PLD5: variants seen among roughly 807,000 people sequenced by gnomAD.
PLD5 encodes phospholipase D family member 5.
In PLD5, 36 loss-of-function variants were observed where a neutral mutation model predicts 61.1. That is an observed-to-expected ratio of 0.59 (90% CI 0.45 to 0.78). The LOEUF is 0.78. Among genes scored for constraint, PLD5 ranks in the 30% least tolerant of loss-of-function variants. The pLI, the probability that PLD5 is intolerant of heterozygous loss-of-function variation, is 0.00. For synonymous variants in PLD5, 243 were observed against 242.8 expected (o/e 1.00, Z -0.01); for missense variants, 515 against 644.4 (o/e 0.80, Z 2.17).
At chr1:242,235,408 G>C (rs960034332) in intron 4 of PLD5, 1 of 152,056 alleles carries the variant, frequency 6.6e-6, no homozygotes, top group Non-Finnish European at 1.5e-5. Context: ...CCTGATTAAC[G>C]TCGGTTCACT....
chr1:242,287,469 C>T (rs1419332315), intron 3 of PLD5, among the ~76,000 whole-genome samples: 1 of 152,056 alleles, frequency 6.6e-6, no homozygotes, highest in Non-Finnish European at 1.5e-5. Flanking sequence ...TTACGGCCTT[C>T]GTGTTTTTTG....
chr1:242,134,743 T>G (rs1663571328), intron 5 of PLD5, among the ~76,000 whole-genome samples: 1 of 152,198 alleles, frequency 6.6e-6, no homozygotes, highest in Non-Finnish European at 1.5e-5. Context: ...GCACTGCTTT[T>G]CCCACACATA....
chr1:242,491,843 C>T (rs2102977414), intron 1 of PLD5, among the ~76,000 whole-genome samples: 1 of 152,304 alleles, frequency 6.6e-6, no homozygotes, highest in Middle Eastern at 3.4e-3. Flanking sequence ...GTTGGAGTAA[C>T]TTTCCACACA....
At chr1:242,275,126 A>C (rs957072277) in intron 3 of PLD5, among the ~76,000 whole-genome samples, 20 of 152,168 alleles carry the variant, frequency 1.3e-4, no homozygotes, top group Non-Finnish European at 2.2e-4. Context: ...AACTGATTGA[A>C]CATATTAAAC....
At chr1:242,120,159 AG>A (rs1662253270) in intron 6 of PLD5, among the ~76,000 whole-genome samples, 1 of 152,324 alleles carries the variant, frequency 6.6e-6, no homozygotes, top group African/African-American at 2.4e-5. Context: ...GCTGGTTGCC[AG>A]GGACTGAGAG....
At chr1:242,415,263 C>T (rs570290233) in intron 1 of PLD5, among the ~76,000 whole-genome samples, 1 of 152,010 alleles carries the variant, frequency 6.6e-6, no homozygotes, top group African/African-American at 2.4e-5. Context: ...AATTGATGCC[C>T]AAGAGTCACT....
At chr1:242,399,842 T>G (rs1184499391) in intron 1 of PLD5, among the ~76,000 whole-genome samples, 1 of 152,108 alleles carries the variant, frequency 6.6e-6, no homozygotes, top group African/African-American at 2.4e-5. Context: ...TACTGTGAAC[T>G]GTGTAGGCGA....
rs551466475 is a variant in PLD5, at chr1:242,247,218, G to A, written c.607+18119C>T. On this transcript the variant is annotated intron_variant, in intron 4 of 9. Transcript: ENST00000536534. ...AGGATGGTCTCCATCTCCTGACCTCGTGATCCGCCCGCCTCGGCCTCCCAG... is the reference window on the plus strand; with the variant it reads ...AGGATGGTCTCCATCTCCTGACCTCATGATCCGCCCGCCTCGGCCTCCCAG... 5.9e-5 allele frequency among the ~76,000 whole-genome samples: 9 copies of A among 152,250 alleles called. No homozygotes were observed. The East Asian group carries it at 1.5e-3, about 26-fold the overall frequency.
intron 1 of PLD5, among the ~76,000 whole-genome samples, chr1:242,423,814 T>A (rs1327667086): frequency 6.6e-6 from 1 of 152,090 alleles, no homozygotes; most frequent in Non-Finnish European, 1.5e-5. Context: ...CCTATCAGAA[T>A]GCCCAGCACA....
At chr1:242,196,044 C>T (rs559346649) in intron 5 of PLD5, among the ~76,000 whole-genome samples, 2 of 152,180 alleles carry the variant, frequency 1.3e-5, no homozygotes, top group South Asian at 4.1e-4. Context: ...GAATAAGATA[C>T]TATAGGTTGT....
In PLD5 at chr1:242,135,261, G is replaced by A. The variant is rs1009976784; in HGVS notation, c.736-10596C>T. Among the ~76,000 whole-genome samples, 5 of 152,224 alleles carry A rather than the reference G, an allele frequency of 3.3e-5. No individual in the cohort carries two copies. The East Asian group carries it at 9.6e-4, about 29-fold the overall frequency. ...ATCAGCTTAGGACAATATCTGCTAT[G>A]TAGAGTAACAGCATTTGCAATTATT... On this transcript the variant is annotated intron_variant, in intron 5 of 9. Transcript: ENST00000536534.
At chr1:242,507,264 A>AT (rs1668758761) in intron 1 of PLD5, among the ~76,000 whole-genome samples, 1 of 152,172 alleles carries the variant, frequency 6.6e-6, no homozygotes, top group Non-Finnish European at 1.5e-5. Flanking sequence ...TTTGGTCTAA[A>AT]TTTTTTACCA....
At chr1:242,417,168 T>A (rs1664876427) in intron 1 of PLD5, among the ~76,000 whole-genome samples, 1 of 152,178 alleles carries the variant, frequency 6.6e-6, no homozygotes, top group Non-Finnish European at 1.5e-5. Flanking sequence ...GCTATGGGGT[T>A]AATCTGGGGG....
chr1:242,405,678 T>A (rs140208259), intron 1 of PLD5, among the ~76,000 whole-genome samples: 1 of 151,982 alleles, frequency 6.6e-6, no homozygotes. Flanking sequence ...CTCGCCTCAC[T>A]GCAACCTCTG....
At chr1:242,098,778 G>A (rs1183023272) in intron 9 of PLD5, among the ~76,000 whole-genome samples, 4 of 152,220 alleles carry the variant, frequency 2.6e-5, no homozygotes, top group African/African-American at 7.2e-5. Flanking sequence ...CCTTCTGCCA[G>A]TCAGGACCCT....
intron 5 of PLD5, among the ~76,000 whole-genome samples, chr1:242,163,840 C>T (rs1455072955): frequency 6.6e-6 from 1 of 152,070 alleles, no homozygotes; most frequent in Admixed American, 6.5e-5. Context: ...TAACAAGGGT[C>T]AGTCTCTTCA....
chr1:242,167,067 C>CAATAATAAT (rs1360516731), intron 5 of PLD5, among the ~76,000 whole-genome samples: 3 of 55,242 alleles, frequency 5.4e-5, no homozygotes, highest in African/African-American at 1.4e-4. Flanking sequence ...GAGTGAGAGA[C>CAATAATAAT]AATAATAATA....
At chr1:242,284,761 T>C (rs950842802) in intron 3 of PLD5, among the ~76,000 whole-genome samples, 2 of 152,118 alleles carry the variant, frequency 1.3e-5, no homozygotes, top group African/African-American at 2.4e-5. Flanking sequence ...CCGAACATCA[T>C]TGCTTCCCCA....
chr1:242,123,914 C>T (rs556694152), intron 6 of PLD5, among the ~76,000 whole-genome samples: 4 of 152,224 alleles, frequency 2.6e-5, no homozygotes, highest in Admixed American at 1.3e-4. Flanking sequence ...GTCAGAGGCC[C>T]GAAGCTGTGC....
Sources: gnomAD v4.1 joint callset for allele counts (sites outside exome capture counted in the v4.1 genomes callset) on GRCh38, gnomAD v4.1.1 for gene constraint, MANE v1.5 for transcripts, NCBI Gene and HGNC (gene_info 2026-07-23, HGNC 2026-07-21) for gene names.